Variants in PCSK6 observed in about 807,000 individuals in gnomAD.
The protein encoded by PCSK6 is paired basic amino acid cleaving enzyme 4.
Under a neutral mutation model 123.3 loss-of-function variants are expected in PCSK6, and 85 were observed. That is an observed-to-expected ratio of 0.69 (90% CI 0.58 to 0.83). PCSK6 has a LOEUF of 0.83. Ranked by LOEUF, PCSK6 falls within the 40% of genes least tolerant of loss-of-function variation. The probability of loss-of-function intolerance (pLI) is 0.00; values close to 1 mark genes in which losing one functional copy is unlikely to be tolerated. For synonymous variants in PCSK6, 508 were observed against 516.0 expected, an observed-to-expected ratio of 0.98 and a Z score of 0.21; for missense variants, 1,191 against 1,282.3, an observed-to-expected ratio of 0.93 and a Z score of 1.09.
At chr15:101,412,142 T>C (rs567331020) in intron 6 of PCSK6, among the ~76,000 whole-genome samples, 22 of 152,150 alleles carry the variant, frequency 1.4e-4, no homozygotes, top group Non-Finnish European at 3.1e-4. Context: ...AACCTACCCC[T>C]GACAATAATG....
At chr15:101,451,262 G>A (rs903737856) in intron 1 of PCSK6, among the ~76,000 whole-genome samples, 4 of 151,476 alleles carry the variant, frequency 2.6e-5, no homozygotes, top group South Asian at 2.1e-4. Context: ...CGAGAAGCAC[G>A]CCGAATCTAC....
chr15:101,384,450 A>G (rs1381423812), intron 9 of PCSK6, 25 bp from the exon 10 acceptor site: 2 of 1,595,700 alleles, frequency 1.3e-6, no homozygotes, highest in Non-Finnish European at 1.7e-6. Flanking sequence ...CACACCCTAG[A>G]GTCCACACAG....
chr15:101,318,851 A>G (rs2040053277), intron 18 of PCSK6, among the ~76,000 whole-genome samples: 1 of 152,212 alleles, frequency 6.6e-6, no homozygotes, highest in Non-Finnish European at 1.5e-5. Context: ...GCTGGCCCTG[A>G]ACCCCAACCC....
At chr15:101,365,904 G>A in intron 13 of PCSK6, 1 of 237,238 alleles carries the variant, frequency 4.2e-6, no homozygotes, top group African/African-American at 2.2e-5. Flanking sequence ...GGAGCTGGGA[G>A]GGGAGGAGGG....
intron 6 of PCSK6, among the ~76,000 whole-genome samples, chr15:101,414,321 G>A (rs1170066537): frequency 6.6e-6 from 1 of 152,018 alleles, no homozygotes; most frequent in Non-Finnish European, 1.5e-5. Context: ...TAATTTAATA[G>A]ATGAGAAAAT....
chr15:101,395,904 C>T (rs1329252062), intron 7 of PCSK6, among the ~76,000 whole-genome samples: 8 of 152,142 alleles, frequency 5.3e-5, no homozygotes, highest in African/African-American at 1.7e-4. Flanking sequence ...TAAGGACCAA[C>T]GTTAAACAGA....
intron 18 of PCSK6, 34 bp from the exon 19 acceptor site, chr15:101,318,456 A>C (rs1382285607): frequency 6.6e-7 from 1 of 1,508,104 alleles, no homozygotes. Flanking sequence ...TTCCACATCC[A>C]TTCCAAAAGT....
At chr15:101,346,833 C>T (rs1040486296) in intron 13 of PCSK6, 21 of 1,231,462 alleles carry the variant, frequency 1.7e-5, no homozygotes, top group Non-Finnish European at 2.0e-5. Context: ...ACAGAACCGA[C>T]TAAACAATAC....
At chr15:101,323,676 T>C (rs1479888170) in intron 17 of PCSK6, among the ~76,000 whole-genome samples, 1 of 146,066 alleles carries the variant, frequency 6.8e-6, no homozygotes, top group African/African-American at 2.6e-5. Context: ...GAGGGTGCAG[T>C]GAGCTGAGAT....
intron 16 of PCSK6, 25 bp from the exon 17 acceptor site, chr15:101,325,071 G>C (rs1428449117): frequency 6.4e-7 from 1 of 1,573,878 alleles, no homozygotes; most frequent in East Asian, 2.3e-5. Context: ...GCAGGAGGGT[G>C]AGGGCCTTGC....
intron 13 of PCSK6, among the ~76,000 whole-genome samples, 159 bp from the exon 14 acceptor site, chr15:101,332,190 C>T (rs1302920962): frequency 1.3e-5 from 2 of 152,202 alleles, no homozygotes; most frequent in African/African-American, 4.8e-5. Context: ...CACCTATTGC[C>T]CAGGCCACAT....
At chr15:101,477,553 T>A (rs1246192143) in intron 1 of PCSK6, among the ~76,000 whole-genome samples, 2 of 152,322 alleles carry the variant, frequency 1.3e-5, no homozygotes, top group African/African-American at 4.8e-5. Flanking sequence ...TGGCCCAAAG[T>A]GTCAACAGTG....
chr15:101,326,080 C>G (rs1392385859), intron 16 of PCSK6, among the ~76,000 whole-genome samples: 1 of 152,268 alleles, frequency 6.6e-6, no homozygotes, highest in Non-Finnish European at 1.5e-5. Flanking sequence ...CTGGGGCAGC[C>G]TTGGCACGCC....
At chr15:101,372,306 T>G (rs2041609255) in intron 11 of PCSK6, among the ~76,000 whole-genome samples, 1 of 152,194 alleles carries the variant, frequency 6.6e-6, no homozygotes. Flanking sequence ...CCGGGAGGCA[T>G]GAGGCGTTCT....
At chr15:101,437,731 T>C (rs1033482759) in intron 2 of PCSK6, among the ~76,000 whole-genome samples, 2 of 152,136 alleles carry the variant, frequency 1.3e-5, no homozygotes, top group African/African-American at 2.4e-5. Context: ...AAGTTAGTTC[T>C]TATTTTGCTG....
intron 13 of PCSK6, among the ~76,000 whole-genome samples, chr15:101,341,974 A>G (rs895757442): frequency 3.3e-5 from 5 of 152,110 alleles, no homozygotes; most frequent in Non-Finnish European, 7.4e-5. Flanking sequence ...TACTGAAAAT[A>G]CAAAAATTAG....
chr15:101,408,182 C>T (rs993183378), intron 6 of PCSK6, among the ~76,000 whole-genome samples: 4 of 152,190 alleles, frequency 2.6e-5, no homozygotes, highest in African/African-American at 4.8e-5. Context: ...CTAGAGGAGG[C>T]GCACGTGCCA....
intron 13 of PCSK6, among the ~76,000 whole-genome samples, chr15:101,340,767 GC>G (rs973955168): frequency 2.1e-5 from 3 of 144,724 alleles, no homozygotes; most frequent in Non-Finnish European, 4.5e-5. Context: ...TCCCTCTCCC[GC>G]CCCCACCTCC....
In PCSK6 at chr15:101,431,435, C is replaced by T. The variant is rs544178133; in HGVS notation, c.542G>A (p.Arg181Gln). 87 of 1,613,754 alleles carry T rather than the reference C, an allele frequency of 5.4e-5. 2 individuals carry two copies. Among genetic ancestry groups the T allele is most frequent in the South Asian group, 4.5e-4 (41 of 91,018 alleles). The change falls in exon 4 of 22, where the codon CGG (arginine) becomes CAG (glutamine). Residue 181 changes from arginine (R) to glutamine (Q), a missense_variant. By Grantham distance (43) the Arg-to-Gln change is conservative. This residue lies in a region of PCSK6 where 357 missense variants were observed against 484.5 expected (regional missense o/e 0.74). Coordinates refer to ENST00000611716, the MANE Select transcript of PCSK6 (RefSeq NM_002570.5). ...CGCTGCCTGGACATTCATTTCCGAC[C>T]GGCAGCGACTGTTCTTGTCGCCACA... is the stretch of plus-strand genomic sequence containing the variant. ...LHCGDKNSRC[R>Q]SEMNVQAAWK...
Sources: allele counts gnomAD v4.1 joint callset (sites outside exome capture counted in the v4.1 genomes callset), GRCh38; gene constraint gnomAD v4.1.1; regional missense constraint gnomAD v4.1.1; transcripts MANE v1.5; gene names NCBI Gene and HGNC (gene_info 2026-07-23, HGNC 2026-07-21).